Variants in FMN2 observed in about 807,000 individuals in gnomAD.
FMN2 encodes the protein formin-2.
FMN2 carries 51 observed loss-of-function variants against 142.3 expected under a neutral mutation model. The observed-to-expected ratio is 0.36, with a 90% CI of 0.29 to 0.45. FMN2 has a LOEUF of 0.45. FMN2 is among the 20% of genes least tolerant of loss of function. The probability of loss-of-function intolerance (pLI) is 1.00; values close to 1 mark genes in which losing one functional copy is unlikely to be tolerated. For synonymous variants in FMN2, 882 were observed against 869.8 expected (o/e 1.01, Z -0.25); for missense variants, 1,936 against 2,122.8 (o/e 0.91, Z 1.73).
intron 4 of FMN2, among the ~76,000 whole-genome samples, chr1:240,197,415 G>A (rs770508539): frequency 3.3e-5 from 5 of 152,108 alleles, no homozygotes; most frequent in East Asian, 3.9e-4. Flanking sequence ...ACCTGCGGAG[G>A]GGGTGGAGGG....
chr1:240,162,127 G>T (rs1664305226), intron 2 of FMN2, among the ~76,000 whole-genome samples: 1 of 146,804 alleles, frequency 6.8e-6, no homozygotes, highest in African/African-American at 2.5e-5. Flanking sequence ...GCAAGACCTT[G>T]TTTCAAAAAA....
chr1:240,415,242 G>C (rs967715186), intron 15 of FMN2, among the ~76,000 whole-genome samples: 5 of 152,158 alleles, frequency 3.3e-5, no homozygotes, highest in African/African-American at 1.2e-4. Flanking sequence ...GCAGGGACAT[G>C]GATGAAGCTG....
intron 8 of FMN2, among the ~76,000 whole-genome samples, chr1:240,325,136 C>G (rs1426796519): frequency 6.6e-6 from 1 of 151,706 alleles, no homozygotes; most frequent in Non-Finnish European, 1.5e-5. Flanking sequence ...GGCAGGCAAA[C>G]AGCTTGAGCC....
chr1:240,314,024 CA>C (rs2102990920), intron 8 of FMN2, among the ~76,000 whole-genome samples: 1 of 152,178 alleles, frequency 6.6e-6, no homozygotes, highest in East Asian at 1.9e-4. Flanking sequence ...TTAACGTGTA[CA>C]TTTTTTTTCA....
intron 7 of FMN2, among the ~76,000 whole-genome samples, chr1:240,291,726 T>A (rs1197965684): frequency 2.0e-5 from 3 of 150,604 alleles, no homozygotes; most frequent in Non-Finnish European, 4.4e-5. Flanking sequence ...TAGATGCAGT[T>A]GGAATGGATT....
At chr1:240,302,027 C>G (rs1670218996) in intron 8 of FMN2, among the ~76,000 whole-genome samples, 1 of 151,982 alleles carries the variant, frequency 6.6e-6, no homozygotes, top group South Asian at 2.1e-4. Context: ...TACTTTTTCA[C>G]AAGTCCCTGA....
chr1:240,199,941 C>G (rs1456661), intron 4 of FMN2, among the ~76,000 whole-genome samples: 108,480 of 152,152 alleles, frequency 0.71, 39,317 homozygotes, highest in African/African-American at 0.83. Flanking sequence ...ATTAGCTTTC[C>G]GTAAACTGTT....
At chr1:240,394,980 A>G (rs1673727250) in intron 15 of FMN2, among the ~76,000 whole-genome samples, 1 of 152,104 alleles carries the variant, frequency 6.6e-6, no homozygotes, top group African/African-American at 2.4e-5. Flanking sequence ...AAATAAGTAA[A>G]TAAATAAATT....
At chr1:240,144,065 T>C in intron 2 of FMN2, 2 of 1,093,524 alleles carry the variant, frequency 1.8e-6, no homozygotes, top group Non-Finnish European at 2.8e-6. Context: ...CTTAATGTAG[T>C]CCTCAAAGGA....
chr1:240,199,892 T>TA (rs1159153304), intron 4 of FMN2, among the ~76,000 whole-genome samples: 4 of 152,230 alleles, frequency 2.6e-5, no homozygotes, highest in Non-Finnish European at 5.9e-5. Flanking sequence ...TTTCTTTTTT[T>TA]ACAACAAAAT....
At chr1:240,465,251 C>G (rs1198825077) in intron 16 of FMN2, among the ~76,000 whole-genome samples, 1 of 151,980 alleles carries the variant, frequency 6.6e-6, no homozygotes, top group Non-Finnish European at 1.5e-5. Flanking sequence ...AGCTCCTAAG[C>G]TGGCTTTTCT....
chr1:240,460,826 C>T (rs1676425750), intron 16 of FMN2, among the ~76,000 whole-genome samples: 3 of 152,056 alleles, frequency 2.0e-5, no homozygotes. Context: ...TATGCTACCT[C>T]CAAACAGAGG....
chr1:240,211,179 G>T lies in FMN2; in HGVS notation c.4009G>T (p.Val1337Leu), dbSNP rs1666679245. The change falls in exon 6 of 18, where the codon GTA (valine) becomes TTA (leucine). Residue 1337 changes from valine to leucine, a missense_variant. Transcript: ENST00000319653. ...TGAGGAATTATTTTCTAAAACTGCT[G>T]TAAAGGAGAGAAAGAAACCTATCTC... Reference protein sequence around the residue: ...EFEELFSKTAVKERKKPISDT... With the variant: ...EFEELFSKTALKERKKPISDT... 6.2e-7 allele frequency: 1 copy of T among 1,613,166 alleles called. No individual in the cohort carries two copies. Among genetic ancestry groups the T allele is most frequent in the Non-Finnish European group, 8.5e-7 (1 of 1,179,526 alleles).
intron 14 of FMN2, among the ~76,000 whole-genome samples, chr1:240,385,542 T>A (rs1195711995): frequency 2.0e-5 from 3 of 152,204 alleles, no homozygotes; most frequent in Non-Finnish European, 4.4e-5. Flanking sequence ...AAAATTTAGT[T>A]TGAGTTAGCA....
At chr1:240,246,532 C>T (rs1668089408) in intron 6 of FMN2, among the ~76,000 whole-genome samples, 1 of 152,100 alleles carries the variant, frequency 6.6e-6, no homozygotes, top group African/African-American at 2.4e-5. Flanking sequence ...AGCTTTTCTC[C>T]AACACATTAG....
intron 2 of FMN2, among the ~76,000 whole-genome samples, chr1:240,159,937 G>A (rs865787029): frequency 1.4e-5 from 1 of 71,264 alleles, no homozygotes; most frequent in Non-Finnish European, 3.2e-5. Flanking sequence ...ATATATTTGT[G>A]TATATATATA....
chr1:240,180,118 G>T, intron 3 of FMN2: 1 of 1,201,570 alleles, frequency 8.3e-7, no homozygotes, highest in Non-Finnish European at 1.1e-6. Context: ...GCTAGAGCAA[G>T]TGATTTTTAA....
In FMN2 at chr1:240,178,059, G is replaced by A. The variant is rs1413727930; in HGVS notation, c.1921G>A (p.Ala641Thr). The A allele has an allele frequency of 3.1e-6, 5 of 1,597,198 alleles. No individual in the cohort carries two copies. Among genetic ancestry groups the A allele is most frequent in the Non-Finnish European group, 4.3e-6 (5 of 1,174,776 alleles). The change falls in exon 3 of 18, where the codon GCT becomes ACT. Residue 641 changes from alanine (A) to threonine (T), a missense_variant. By Grantham distance (58) the Ala-to-Thr change is moderately conservative (BLOSUM62 0). This residue lies in a region of FMN2 where 478 missense variants were observed against 462.8 expected (regional missense o/e 1.03). Coordinates refer to ENST00000319653, the MANE Select transcript of FMN2 (RefSeq NM_020066.5). The stretch of plus-strand genomic sequence containing the variant: ...CGATGAGGAACACAGGCTCGAGGAT[G>A]CTGAAACAGGTAACCCTTTCCTTTG... Reference protein sequence around the residue: ...PPDEEHRLEDAETESQSAVSE... With the variant: ...PPDEEHRLEDTETESQSAVSE...
intron 4 of FMN2, among the ~76,000 whole-genome samples, chr1:240,194,299 T>G (rs1175728323): frequency 3.3e-5 from 5 of 152,184 alleles, no homozygotes; most frequent in Non-Finnish European, 7.4e-5. Flanking sequence ...CCAGTTTTCC[T>G]GGGCACAAAT....
Sources: gnomAD v4.1 joint callset for allele counts (sites outside exome capture counted in the v4.1 genomes callset) on GRCh38, gnomAD v4.1.1 for gene constraint, gnomAD v4.1.1 regional missense constraint, MANE v1.5 for transcripts, NCBI Gene and HGNC (gene_info 2026-07-23, HGNC 2026-07-21) for gene names.